KSR2: variants seen among roughly 807,000 people sequenced by gnomAD.
KSR2 encodes kinase suppressor of ras 2.
A neutral mutation model predicts 107.8 loss-of-function variants in KSR2; 25 were observed. That is an observed-to-expected ratio of 0.23 (90% CI 0.17 to 0.32). The LOEUF (loss-of-function observed/expected upper bound fraction) is 0.32, where lower values mean the gene tolerates loss of function less well. KSR2 is among the 10% of genes least tolerant of loss of function. KSR2 has a pLI of 1.00. For missense variants in KSR2, 887 were observed against 1,268.9 expected (o/e 0.70, Z 4.57); for synonymous variants, 480 against 507.0 (o/e 0.95, Z 0.71).
intron 3 of KSR2, among the ~76,000 whole-genome samples, chr12:117,772,750 C>T (rs546537093): frequency 4.7e-4 from 71 of 151,962 alleles, no homozygotes; most frequent in Non-Finnish European, 8.2e-4. Flanking sequence ...CCACCAAAGA[C>T]GCACACACAC....
Position 117,463,101 on chromosome 12 carries a change from G to C in KSR2, c.*4098C>G, listed in dbSNP as rs866127432. 3 of 152,168 alleles carry C rather than the reference G, an allele frequency of 2.0e-5. No homozygotes were observed. The highest frequency in any genetic ancestry group is 6.5e-5 in the Admixed American group (1 of 15,272). The allele number at this position is 152,168 out of a possible 1,614,324, so 9.4% of individuals were successfully genotyped here. A position where few individuals can be genotyped will look rare whatever the true frequency, so the allele number is the denominator to read the frequency against. Reference sequence around the variant, plus strand: ...CAGTGTGTGACATTTTGTTATTATGGCCCCCCTTAGCAAACGAAGAGTTTT... The same window carrying C: ...CAGTGTGTGACATTTTGTTATTATGCCCCCCCTTAGCAAACGAAGAGTTTT... On this transcript the variant is annotated 3_prime_UTR_variant, in exon 20 of 20. Coordinates refer to ENST00000339824, the MANE Select transcript of KSR2 (RefSeq NM_173598.6).
intron 5 of KSR2, among the ~76,000 whole-genome samples, chr12:117,618,388 C>G (rs1881994596): frequency 6.6e-6 from 1 of 152,002 alleles, no homozygotes; most frequent in Non-Finnish European, 1.5e-5. Flanking sequence ...GCAGGAAGTT[C>G]TATTCAGCTT....
intron 3 of KSR2, among the ~76,000 whole-genome samples, chr12:117,819,847 CA>C (rs796271508): frequency 2.0e-5 from 3 of 149,576 alleles, no homozygotes; most frequent in South Asian, 2.1e-4. Flanking sequence ...CATGGCCCTC[CA>C]AAAAAAAAGA....
intron 5 of KSR2, among the ~76,000 whole-genome samples, chr12:117,589,678 T>A (rs1880208831): frequency 6.6e-6 from 1 of 152,210 alleles, no homozygotes; most frequent in Non-Finnish European, 1.5e-5. Context: ...CGCCAACCAA[T>A]CCTAGACTAA....
chr12:117,968,317 GT>G lies in KSR2; in HGVS notation c.-63del. 7.0e-7 allele frequency: 1 copy of G among 1,434,060 alleles called. No individual in the cohort carries two copies. The highest frequency in any genetic ancestry group is 2.6e-5 in the East Asian group (1 of 38,562). 88.8% of individuals were successfully genotyped at this position (1,434,060 alleles called of 1,614,324 possible). Reference sequence around the variant, plus strand: ...CCAGAGAGAAAAAAGAGGGGGGGGAGTAGAGGTAGTCTACCCTCCGCCTCTC... The same window carrying G: ...CCAGAGAGAAAAAAGAGGGGGGGGAGAGAGGTAGTCTACCCTCCGCCTCTC... On this transcript the variant is annotated 5_prime_UTR_variant, in exon 1 of 20. Coordinates refer to ENST00000339824, the MANE Select transcript of KSR2 (RefSeq NM_173598.6).
intron 4 of KSR2, among the ~76,000 whole-genome samples, chr12:117,760,052 T>A (rs1197395581): frequency 6.6e-6 from 1 of 152,190 alleles, no homozygotes; most frequent in East Asian, 1.9e-4. Flanking sequence ...GAGGTTGCAG[T>A]GAGCTGACAT....
At chr12:117,956,249 C>CATAAA (rs1491387208) in intron 1 of KSR2, among the ~76,000 whole-genome samples, 6 of 47,474 alleles carry the variant, frequency 1.3e-4, no homozygotes, top group Admixed American at 2.9e-4. Context: ...GACTCTGTCT[C>CATAAA]AAAAAAAAAA....
intron 1 of KSR2, among the ~76,000 whole-genome samples, chr12:117,960,423 G>T (rs901329632): frequency 6.6e-6 from 1 of 152,174 alleles, no homozygotes; most frequent in African/African-American, 2.4e-5. Context: ...CTTAGGAAGG[G>T]CTTGCACACT....
intron 4 of KSR2, among the ~76,000 whole-genome samples, chr12:117,716,298 T>C (rs1334383165): frequency 6.6e-6 from 1 of 152,222 alleles, no homozygotes; most frequent in Non-Finnish European, 1.5e-5. Context: ...CAGAAAAATT[T>C]ACTCTGAAGT....
At chr12:117,732,802 G>A (rs996178768) in intron 4 of KSR2, among the ~76,000 whole-genome samples, 2 of 152,198 alleles carry the variant, frequency 1.3e-5, no homozygotes, top group African/African-American at 4.8e-5. Flanking sequence ...TGACCAGACA[G>A]CCCCTGACCA....
At chr12:117,674,528 C>T (rs1885043753) in intron 4 of KSR2, 3 of 398,850 alleles carry the variant, frequency 7.5e-6, no homozygotes, top group Admixed American at 2.6e-5. Context: ...TCCTCCAGCC[C>T]CTGCACCACC....
At chr12:117,766,106 T>A (rs1403745491) in intron 3 of KSR2, among the ~76,000 whole-genome samples, 1 of 152,152 alleles carries the variant, frequency 6.6e-6, no homozygotes, top group Non-Finnish European at 1.5e-5. Context: ...AGACAAATAC[T>A]CATAGCAGCA....
chr12:117,927,702 A>G (rs959550254), intron 1 of KSR2, among the ~76,000 whole-genome samples: 2 of 151,256 alleles, frequency 1.3e-5, no homozygotes, highest in African/African-American at 4.9e-5. Context: ...GGAAAAAAGG[A>G]AAAAAAAAGG....
At chr12:117,607,653 A>AG (rs1197819588) in intron 5 of KSR2, among the ~76,000 whole-genome samples, 13 of 133,512 alleles carry the variant, frequency 9.7e-5, no homozygotes, top group African/African-American at 1.8e-4. Context: ...AGAGGGGAGG[A>AG]AAGGAGAGGA....
intron 4 of KSR2, among the ~76,000 whole-genome samples, chr12:117,740,601 TAGA>T (rs1888172234): frequency 2.5e-5 from 3 of 119,176 alleles, no homozygotes; most frequent in Admixed American, 1.0e-4. Context: ...TATACATATA[TAGA>T]TGTAAAATAT....
chr12:117,892,783 T>C (rs1435035553), intron 1 of KSR2, among the ~76,000 whole-genome samples: 1 of 104,036 alleles, frequency 9.6e-6, no homozygotes, highest in African/African-American at 4.7e-5. Flanking sequence ...ATCTGTGCTA[T>C]GTGCAAAAAA....
chr12:117,618,331 C>T (rs1881992083), intron 5 of KSR2, among the ~76,000 whole-genome samples: 1 of 151,952 alleles, frequency 6.6e-6, no homozygotes, highest in African/African-American at 2.4e-5. Flanking sequence ...TCCCCTTCTG[C>T]TTGATGGAAC....
chr12:117,965,407 A>G (rs537805032), intron 1 of KSR2, among the ~76,000 whole-genome samples: 1 of 152,304 alleles, frequency 6.6e-6, no homozygotes, highest in African/African-American at 2.4e-5. Flanking sequence ...ACACATGCCT[A>G]ATGGGCTCAC....
intron 5 of KSR2, among the ~76,000 whole-genome samples, chr12:117,650,489 G>A (rs767216437): frequency 5.9e-5 from 9 of 152,314 alleles, no homozygotes; most frequent in Non-Finnish European, 1.2e-4. Flanking sequence ...AGAATATTAA[G>A]GATGGAGTTC....
Sources: allele counts gnomAD v4.1 joint callset (sites outside exome capture counted in the v4.1 genomes callset), GRCh38; gene constraint gnomAD v4.1.1; transcripts MANE v1.5; gene names NCBI Gene and HGNC (gene_info 2026-07-23, HGNC 2026-07-21).